RALGAPA2: variants seen among roughly 807,000 people sequenced by gnomAD.
RALGAPA2 encodes the protein ral GTPase-activating protein subunit alpha-2.
RALGAPA2 carries 139 observed loss-of-function variants against 230.4 expected under a neutral mutation model. That is an observed-to-expected ratio of 0.60 (90% CI 0.53 to 0.69). The LOEUF is 0.69. Among genes scored for constraint, RALGAPA2 ranks in the 30% least tolerant of loss-of-function variants. The probability of loss-of-function intolerance (pLI) is 0.00; values close to 1 mark genes in which losing one functional copy is unlikely to be tolerated. For missense variants in RALGAPA2, 2,163 were observed against 2,276.0 expected (o/e 0.95, Z 1.01); for synonymous variants, 847 against 837.8 (o/e 1.01, Z -0.19).
At chr20:20,673,516 A>G (rs765232412) in intron 3 of RALGAPA2, among the ~76,000 whole-genome samples, 1 of 152,090 alleles carries the variant, frequency 6.6e-6, no homozygotes, top group African/African-American at 2.4e-5. Context: ...GGTGATAAGA[A>G]CAAATCCTCA....
At chr20:20,608,614 C>A (rs562821281) in intron 14 of RALGAPA2, among the ~76,000 whole-genome samples, 185 of 152,190 alleles carry the variant, frequency 1.2e-3, no homozygotes, top group Non-Finnish European at 2.0e-3. Context: ...AAGTGTCTAG[C>A]CATTTTAGAC....
rs1163528783 is a variant in RALGAPA2 at position 20,389,959 on chromosome 20, T to C, written c.*3330A>G. On this transcript the variant is annotated 3_prime_UTR_variant, in exon 40 of 40. Transcript: ENST00000202677. ...GTAGACCTGAAAACATAAGGAAACA[T>C]TCACTTCATGTGTATGTCATATGGA... 1.3e-5 allele frequency: 2 copies of C among 152,220 alleles called. No individual in the cohort carries two copies. Among genetic ancestry groups the C allele is most frequent in the African/African-American group, 4.8e-5 (2 of 41,444 alleles). 9.4% of individuals were successfully genotyped at this position (152,220 alleles called of 1,614,324 possible).
chr20:20,494,382 G>C (rs565740719), intron 36 of RALGAPA2, among the ~76,000 whole-genome samples: 1 of 152,246 alleles, frequency 6.6e-6, no homozygotes, highest in South Asian at 2.1e-4. Flanking sequence ...TTTAATTTAA[G>C]AACTTTAAAA....
In RALGAPA2 at chr20:20,531,551, C is replaced by T. The variant is rs565786606; in HGVS notation, c.3582+136G>A. The T allele has an allele frequency of 1.1e-4, 82 of 779,864 alleles. 1 individual carries two copies. In the South Asian group the frequency reaches 1.2e-3, roughly 11 times the overall value. The allele number at this position is 779,864 out of a possible 1,614,324, so 48.3% of individuals were successfully genotyped here. A position where few individuals can be genotyped will look rare whatever the true frequency, so the allele number is the denominator to read the frequency against. On this transcript the variant is annotated intron_variant, in intron 27 of 39. Transcript: ENST00000202677. Reference sequence around the variant, plus strand: ...CATCCGTTGGTGCCCCTCCCGGGAGCCTCACAGCACATGCAATGGGAATCA... The same window carrying T: ...CATCCGTTGGTGCCCCTCCCGGGAGTCTCACAGCACATGCAATGGGAATCA...
At chr20:20,530,739 C>A (rs2063347551) in intron 27 of RALGAPA2, among the ~76,000 whole-genome samples, 1 of 152,168 alleles carries the variant, frequency 6.6e-6, no homozygotes, top group Admixed American at 6.5e-5. Flanking sequence ...AGGGGTTGAA[C>A]TTTGGCTCAG....
At chr20:20,506,888 G>C (rs1285411069) in intron 33 of RALGAPA2, among the ~76,000 whole-genome samples, 1 of 152,134 alleles carries the variant, frequency 6.6e-6, no homozygotes, top group Non-Finnish European at 1.5e-5. Context: ...CTTTTACTCA[G>C]CTTATTCACT....
Position 20,628,583 on chromosome 20 carries a change from T to C in RALGAPA2, c.1233+780A>G, listed in dbSNP as rs2066566754. On this transcript the variant is annotated intron_variant, in intron 10 of 39. Transcript: ENST00000202677. ...ACACATTGAGCCAGATAGTTCTTTG[T>C]CATGGTGGGGGTGGGGGCCATTCTG... Among the ~76,000 whole-genome samples the C allele has an allele frequency of 2.6e-5, 4 of 152,088 alleles. No homozygotes were observed. In the South Asian group the frequency reaches 8.3e-4, roughly 32 times the overall value.
intron 23 of RALGAPA2, among the ~76,000 whole-genome samples, chr20:20,554,453 T>C (rs1052980377): frequency 2.6e-5 from 4 of 152,226 alleles, no homozygotes; most frequent in Non-Finnish European, 5.9e-5. Flanking sequence ...TTTTGGTGAC[T>C]GGTTTTGATA....
chr20:20,680,415 A>G (rs2068477935), intron 2 of RALGAPA2, among the ~76,000 whole-genome samples: 1 of 152,222 alleles, frequency 6.6e-6, no homozygotes, highest in Non-Finnish European at 1.5e-5. Context: ...TGCATGTATT[A>G]CTTTTCTTTC....
At chr20:20,625,575 T>C (rs2066466445) in intron 10 of RALGAPA2, among the ~76,000 whole-genome samples, 1 of 152,232 alleles carries the variant, frequency 6.6e-6, no homozygotes, top group Non-Finnish European at 1.5e-5. Flanking sequence ...TTTGTATATA[T>C]AGTATTGTAC....
chr20:20,560,356 A>AT (rs2064220516), intron 23 of RALGAPA2, among the ~76,000 whole-genome samples: 1 of 152,094 alleles, frequency 6.6e-6, no homozygotes, highest in African/African-American at 2.4e-5. Flanking sequence ...ACCAAAGGAT[A>AT]TTTTTTCCAT....
rs36053177 is a variant in RALGAPA2, at chr20:20,391,590, C to G, written c.*1699G>C. 8 of 152,204 alleles carry G rather than the reference C, an allele frequency of 5.3e-5. No homozygotes were observed. Among genetic ancestry groups the G allele is most frequent in the Admixed American group, 1.3e-4 (2 of 15,284 alleles). 9.4% of individuals were successfully genotyped at this position (152,204 alleles called of 1,614,324 possible). ...TTTCTCATTTGTCCCAAGAGTGAGT[C>G]TGGCTCCTGAGTCTCCCCGTTTTCC... On this transcript the variant is annotated 3_prime_UTR_variant, in exon 40 of 40. Transcript: ENST00000202677.
chr20:20,634,354 AT>A (rs2066785362), intron 9 of RALGAPA2, among the ~76,000 whole-genome samples: 1 of 151,980 alleles, frequency 6.6e-6, no homozygotes, highest in Non-Finnish European at 1.5e-5. Context: ...AATCATTATC[AT>A]TTTCATTTTA....
At chr20:20,629,700 A>G in intron 9 of RALGAPA2, 110 bp from the exon 10 acceptor site, 2 of 1,138,546 alleles carry the variant, frequency 1.8e-6, no homozygotes, top group Non-Finnish European at 1.3e-6. Flanking sequence ...ATCAATGTGC[A>G]CAGGGTACAG....
At chr20:20,450,242 G>A (rs767749804) in intron 37 of RALGAPA2, among the ~76,000 whole-genome samples, 3 of 152,094 alleles carry the variant, frequency 2.0e-5, no homozygotes, top group African/African-American at 4.8e-5. Flanking sequence ...ATTTTGGGAT[G>A]GACTCTAAGT....
intron 16 of RALGAPA2, among the ~76,000 whole-genome samples, chr20:20,592,940 T>A (rs1213768628): frequency 6.7e-6 from 1 of 149,920 alleles, no homozygotes; most frequent in Non-Finnish European, 1.5e-5. Context: ...TCAATTTACT[T>A]TTTTTTTTTG....
At chr20:20,505,285 A>G in intron 34 of RALGAPA2, 126 bp downstream of exon 34, 1 of 1,243,758 alleles carries the variant, frequency 8.0e-7, no homozygotes, top group Non-Finnish European at 1.0e-6. Flanking sequence ...AAATTCTTCA[A>G]TTCCAGAACT....
chr20:20,628,608 G>A (rs1424825441), intron 10 of RALGAPA2, among the ~76,000 whole-genome samples: 2 of 152,084 alleles, frequency 1.3e-5, no homozygotes, highest in African/African-American at 4.8e-5. Context: ...GGGCCATTCT[G>A]GGCATTGCAG....
chr20:20,467,089 AC>A (rs2061435993), intron 37 of RALGAPA2, among the ~76,000 whole-genome samples: 2 of 152,200 alleles, frequency 1.3e-5, no homozygotes, highest in African/African-American at 4.8e-5. Context: ...ACCATACAAG[AC>A]ACACAAAGCT....
Sources: allele counts gnomAD v4.1 joint callset (sites outside exome capture counted in the v4.1 genomes callset), GRCh38; gene constraint gnomAD v4.1.1; transcripts MANE v1.5; gene names NCBI Gene and HGNC (gene_info 2026-07-23, HGNC 2026-07-21).